Variants in ARID1B observed in about 807,000 individuals in gnomAD.
ARID1B encodes AT-rich interaction domain 1B.
A neutral mutation model predicts 212.3 loss-of-function variants in ARID1B; 30 were observed. The ratio of observed to expected loss-of-function variants is 0.14; its 90% CI spans 0.11 to 0.19. The LOEUF is 0.19. Among genes scored for constraint, ARID1B ranks in the 10% least tolerant of loss-of-function variants. The probability of loss-of-function intolerance (pLI) is 1.00; values close to 1 mark genes in which losing one functional copy is unlikely to be tolerated. For missense variants in ARID1B, 2,891 were observed against 3,204.0 expected (o/e 0.90, Z 2.36); for synonymous variants, 1,402 against 1,301.7 (o/e 1.08, Z -1.66).
chr6:157,098,187 C>G (rs1562616070), intron 5 of ARID1B, among the ~76,000 whole-genome samples: 2 of 151,954 alleles, frequency 1.3e-5, no homozygotes, highest in Non-Finnish European at 2.9e-5. Flanking sequence ...ATAAACCATC[C>G]CTCTATTTGG....
intron 2 of ARID1B, among the ~76,000 whole-genome samples, chr6:156,899,301 G>C (rs1482175874): frequency 6.6e-6 from 1 of 152,174 alleles, no homozygotes; most frequent in Non-Finnish European, 1.5e-5. Flanking sequence ...GTAAACTAGA[G>C]TTGAGCAATC....
At chr6:156,893,045 C>CTTTTCTTTTCTTTTTTTTTTTTTTTTT (rs1554263985) in intron 2 of ARID1B, among the ~76,000 whole-genome samples, 1 of 85,924 alleles carries the variant, frequency 1.2e-5, no homozygotes, top group African/African-American at 4.7e-5. Context: ...TTTTTTCTTC[C>CTTTTCTTTTCTTTTTTTTTTTTTTTTT]TTTTTTTTTT....
At chr6:156,893,044 C>CTTTTTTTTTTTTTTTTTTTTTT (rs1562464668) in intron 2 of ARID1B, among the ~76,000 whole-genome samples, 1 of 88,366 alleles carries the variant, frequency 1.1e-5, no homozygotes, top group African/African-American at 5.2e-5. Flanking sequence ...CTTTTTTCTT[C>CTTTTTTTTTTTTTTTTTTTTTT]CTTTTTTTTT....
At chr6:156,940,082 G>A (rs1792553341) in intron 4 of ARID1B, 1 of 152,098 alleles carries the variant, frequency 6.6e-6, no homozygotes. Flanking sequence ...TCTTCAGAGA[G>A]GCATGCTGCT....
chr6:157,186,958 T>C (rs183987760), intron 13 of ARID1B, among the ~76,000 whole-genome samples: 94 of 152,340 alleles, frequency 6.2e-4, no homozygotes, highest in African/African-American at 2.1e-3. Flanking sequence ...CCTTGGCCCC[T>C]GGGGCTGCAC....
chr6:156,927,904 A>C (rs1409253788), intron 3 of ARID1B, among the ~76,000 whole-genome samples: 1 of 152,230 alleles, frequency 6.6e-6, no homozygotes, highest in Admixed American at 6.5e-5. Context: ...ATACACCACA[A>C]ATAGTTAATA....
chr6:156,960,371 T>C (rs1583031657), intron 4 of ARID1B, among the ~76,000 whole-genome samples: 3 of 152,220 alleles, frequency 2.0e-5, no homozygotes, highest in African/African-American at 7.2e-5. Context: ...TCTCTGGACA[T>C]TGATATAAGG....
At chr6:157,086,048 A>G (rs1444991170) in intron 5 of ARID1B, among the ~76,000 whole-genome samples, 2 of 152,228 alleles carry the variant, frequency 1.3e-5, no homozygotes. Flanking sequence ...AATGTATTAT[A>G]TTTGGAATGA....
At chr6:157,129,134 A>C (rs1408536073) in intron 6 of ARID1B, among the ~76,000 whole-genome samples, 2 of 152,256 alleles carry the variant, frequency 1.3e-5, no homozygotes, top group African/African-American at 4.8e-5. Flanking sequence ...ATAATGTCTT[A>C]ACTTTTTTTG....
At chr6:157,117,308 A>G (rs1198831985) in intron 6 of ARID1B, among the ~76,000 whole-genome samples, 2 of 152,128 alleles carry the variant, frequency 1.3e-5, no homozygotes, top group Non-Finnish European at 2.9e-5. Flanking sequence ...ATATGTCTTC[A>G]TTTTTTATAT....
At chr6:156,793,544 C>T (rs1030256680) in intron 1 of ARID1B, among the ~76,000 whole-genome samples, 62 of 152,116 alleles carry the variant, frequency 4.1e-4, no homozygotes, top group African/African-American at 1.4e-3. Context: ...CTGTGTTGCC[C>T]GGGCTGGTCT....
Position 156,897,999 on chromosome 6 carries a change from C to T in ARID1B, c.1987-3377C>T, listed in dbSNP as rs768923474. Among the ~76,000 whole-genome samples, 8 of 152,122 alleles carry T rather than the reference C, an allele frequency of 5.3e-5. No homozygotes were observed. In the South Asian group the frequency reaches 8.3e-4, roughly 16 times the overall value. Reference sequence around the variant, plus strand: ...TAGTGATGAGGACAGATAGTAAACACGTGAACACGTAGTTAAGTGTTTCAC... The same window carrying T: ...TAGTGATGAGGACAGATAGTAAACATGTGAACACGTAGTTAAGTGTTTCAC... On this transcript the variant is annotated intron_variant, in intron 2 of 19. Transcript: ENST00000636930.
intron 8 of ARID1B, among the ~76,000 whole-genome samples, chr6:157,162,027 G>T (rs1042848012): frequency 2.6e-5 from 4 of 152,212 alleles, no homozygotes; most frequent in Non-Finnish European, 5.9e-5. Context: ...GGACTTTAAA[G>T]TGGCTTCACT....
intron 4 of ARID1B, among the ~76,000 whole-genome samples, chr6:157,009,259 A>T (rs1289291677): frequency 6.6e-6 from 1 of 152,186 alleles, no homozygotes; most frequent in Non-Finnish European, 1.5e-5. Flanking sequence ...ATGGAGGTGC[A>T]GTAAGGAAAG....
intron 4 of ARID1B, among the ~76,000 whole-genome samples, chr6:156,947,451 G>A (rs1382793390): frequency 6.6e-6 from 1 of 151,686 alleles, no homozygotes; most frequent in Non-Finnish European, 1.5e-5. Context: ...TGCAGATGTA[G>A]GGCGTGTGAG....
At chr6:157,102,250 T>G (rs892115632) in intron 5 of ARID1B, among the ~76,000 whole-genome samples, 1 of 152,198 alleles carries the variant, frequency 6.6e-6, no homozygotes, top group Non-Finnish European at 1.5e-5. Flanking sequence ...ACAAAAGTAG[T>G]AGAGTATAAT....
intron 16 of ARID1B, among the ~76,000 whole-genome samples, chr6:157,196,824 C>A (rs1793761437): frequency 6.6e-6 from 1 of 152,208 alleles, no homozygotes; most frequent in African/African-American, 2.4e-5. Flanking sequence ...AGGGACAATA[C>A]TTTGCTCTTT....
At chr6:157,020,857 C>G (rs1167183335) in intron 4 of ARID1B, among the ~76,000 whole-genome samples, 2 of 152,184 alleles carry the variant, frequency 1.3e-5, no homozygotes, top group Non-Finnish European at 2.9e-5. Context: ...TACTTGAGTC[C>G]TTAATTTTCT....
intron 4 of ARID1B, among the ~76,000 whole-genome samples, chr6:157,053,812 G>A (rs555702810): frequency 1.2e-3 from 187 of 152,288 alleles, no homozygotes; most frequent in Non-Finnish European, 1.5e-3. Flanking sequence ...TGTGGTTCAC[G>A]CCTGTAATCC....
Sources: gnomAD v4.1 joint callset for allele counts (sites outside exome capture counted in the v4.1 genomes callset) on GRCh38, gnomAD v4.1.1 for gene constraint, MANE v1.5 for transcripts, NCBI Gene and HGNC (gene_info 2026-07-23, HGNC 2026-07-21) for gene names.